The following ZFYVE16 variants were observed in gnomAD, a reference collection of about 807,000 sequenced individuals.
The protein encoded by ZFYVE16 is zinc finger FYVE-type containing 16.
In ZFYVE16, 89 loss-of-function variants were observed where a neutral mutation model predicts 138.1. The observed-to-expected ratio is 0.64, with a 90% CI of 0.54 to 0.77. The LOEUF (loss-of-function observed/expected upper bound fraction) is 0.77. Among genes scored for constraint, ZFYVE16 ranks in the 30% least tolerant of loss-of-function variants. The pLI is 0.00. For synonymous variants in ZFYVE16, 596 were observed against 618.3 expected (o/e 0.96, Z 0.53); for missense variants, 1,793 against 1,786.7 (o/e 1.00, Z -0.06).
chr5:80,434,184 G>A lies in ZFYVE16; in HGVS notation c.37G>A (p.Asp13Asn), dbSNP rs1301543001. 2 of 1,613,432 alleles carry A rather than the reference G, an allele frequency of 1.2e-6. No homozygotes were observed. Among genetic ancestry groups the A allele is most frequent in the East Asian group, 2.2e-5 (1 of 44,822 alleles). ...SYFKAAVSDL[D>N]KLLDDFEQNP... is the part of the protein sequence containing the mutation. ...TTTTAAAGCAGCTGTCAGTGACTTG[G>A]ACAAACTCCTTGATGATTTTGAACA... Residue 13 changes from aspartate to asparagine, a missense_variant, in exon 3 of 19, where the codon GAC becomes AAC. Physicochemically the swap from Asp to Asn is conservative, Grantham distance 23. Around this residue, in one of 2 missense-constraint regions of ZFYVE16, gnomAD observed 1,295 missense variants for 1,204.3 expected, o/e 1.08. Transcript: ENST00000505560.
chr5:80,422,598 G>T (rs959593096), intron 1 of ZFYVE16, among the ~76,000 whole-genome samples: 2 of 151,966 alleles, frequency 1.3e-5, no homozygotes, highest in Admixed American at 1.3e-4. Context: ...GGGATTACAG[G>T]TGCCCGCCAC....
intron 3 of ZFYVE16, chr5:80,435,779 T>G (rs113271409): frequency 1.0e-4 from 43 of 428,668 alleles, no homozygotes; most frequent in Admixed American, 6.1e-4. Context: ...CTCACTGTGT[T>G]GCTCAGGCTG....
rs930824095 is a variant in ZFYVE16 at position 80,481,684 on chromosome 5, C to A, written c.*4307C>A. 6.6e-6 allele frequency among the ~76,000 whole-genome samples: 1 copy of A among 152,122 alleles called. No individual in the cohort carries two copies. The highest frequency in any genetic ancestry group is 1.5e-5 in the Non-Finnish European group (1 of 68,022). ...GAATATCATAATATTCCAAATATATCCCAGAAACAACCCAAAATGATTGGA... is the reference window on the plus strand; with the variant it reads ...GAATATCATAATATTCCAAATATATACCAGAAACAACCCAAAATGATTGGA... On this transcript the variant is annotated 3_prime_UTR_variant, in exon 19 of 19. Transcript: ENST00000505560.
rs1236298934 is a variant in ZFYVE16 at position 80,448,153 on chromosome 5, C to A, written c.2852C>A (p.Ser951Tyr). ...ISQVPSVEKL[S>Y]MNTGNEGLPT... ...CAGGTTCCATCAGTGGAAAAATTGT[C>A]TATGAACACAGGAAATGAGGGGTTA... The change falls in exon 8 of 19, where the codon TCT (serine) becomes TAT (tyrosine). Residue 951 changes from serine (S) to tyrosine (Y), a missense_variant. Physicochemically the swap from Ser to Tyr is moderately radical, Grantham distance 144. Around this residue, in one of 2 missense-constraint regions of ZFYVE16, gnomAD observed 1,295 missense variants for 1,204.3 expected, o/e 1.08. Transcript: ENST00000505560. 6.8e-6 allele frequency: 11 copies of A among 1,613,964 alleles called. No individual in the cohort carries two copies. The highest frequency in any genetic ancestry group is 9.3e-6 in the Non-Finnish European group (11 of 1,179,930).
intron 15 of ZFYVE16, among the ~76,000 whole-genome samples, chr5:80,472,289 C>T (rs1430221524): frequency 6.6e-6 from 1 of 151,234 alleles, no homozygotes. Flanking sequence ...AGAAATTATC[C>T]CCAGGCAGAG....
intron 10 of ZFYVE16, among the ~76,000 whole-genome samples, chr5:80,450,821 T>C (rs2112453071): frequency 6.7e-6 from 1 of 148,796 alleles, no homozygotes; most frequent in East Asian, 2.0e-4. Context: ...TCCATTTTTT[T>C]TTTTTTTTTT....
At chr5:80,413,664 T>G (rs1404372259) in intron 1 of ZFYVE16, among the ~76,000 whole-genome samples, 1 of 152,138 alleles carries the variant, frequency 6.6e-6, no homozygotes, top group African/African-American at 2.4e-5. Flanking sequence ...AATAATATGA[T>G]GGATGCATAG....
At chr5:80,452,943 A>C (rs958388249) in intron 11 of ZFYVE16, among the ~76,000 whole-genome samples, 14 of 152,138 alleles carry the variant, frequency 9.2e-5, no homozygotes, top group African/African-American at 3.4e-4. Flanking sequence ...ACTTTTTTGA[A>C]TTCCCACTGT....
intron 5 of ZFYVE16, 103 bp downstream of exon 5, chr5:80,440,135 C>G: frequency 7.2e-7 from 1 of 1,396,148 alleles, no homozygotes; most frequent in Non-Finnish European, 9.3e-7. Context: ...AGGCAAGGAC[C>G]TAGTGTTGAA....
At chr5:80,429,954 C>T (rs1358079714) in intron 2 of ZFYVE16, among the ~76,000 whole-genome samples, 1 of 152,058 alleles carries the variant, frequency 6.6e-6, no homozygotes, top group Non-Finnish European at 1.5e-5. Context: ...TCTTAGAGAC[C>T]TACAAAGAGA....
At chr5:80,434,569 G>A (rs925535214) in intron 3 of ZFYVE16, among the ~76,000 whole-genome samples, 2 of 151,606 alleles carry the variant, frequency 1.3e-5, no homozygotes, top group African/African-American at 2.4e-5. Flanking sequence ...CTCAACCCCC[G>A]AGGCTCAAGC....
At chr5:80,419,890 C>T (rs1446760896) in intron 1 of ZFYVE16, among the ~76,000 whole-genome samples, 1 of 149,306 alleles carries the variant, frequency 6.7e-6, no homozygotes, top group African/African-American at 2.5e-5. Flanking sequence ...TGGCTTACTG[C>T]AACATCCGCC....
chr5:80,450,915 G>A (rs576809556), intron 10 of ZFYVE16, among the ~76,000 whole-genome samples: 6 of 148,294 alleles, frequency 4.0e-5, no homozygotes, highest in Admixed American at 2.1e-4. Context: ...GGGTTCAAGC[G>A]ATTCTTCTGC....
chr5:80,454,989 T>A (rs1423669191), intron 11 of ZFYVE16: 1 of 152,202 alleles, frequency 6.6e-6, no homozygotes, highest in African/African-American at 2.4e-5. Context: ...CCACCCCCTA[T>A]AATTTTGTGG....
rs1755301355 is a variant in ZFYVE16, at chr5:80,482,316, C to T, written c.*4939C>T. On this transcript the variant is annotated 3_prime_UTR_variant, in exon 19 of 19. Transcript: ENST00000505560. ...GAAGGTCTCAACACAATGAAGATGA[C>T]TGAGGGAAGAGTCAGTAAATTTGAA... 1 of 152,008 alleles carries T rather than the reference C, an allele frequency of 6.6e-6. No homozygotes were observed. Among genetic ancestry groups the T allele is most frequent in the Non-Finnish European group, 1.5e-5 (1 of 68,024 alleles). 9.4% of individuals were successfully genotyped at this position (152,008 alleles called of 1,614,324 possible). A position where few individuals can be genotyped will look rare whatever the true frequency, so the allele number is the denominator to read the frequency against.
intron 1 of ZFYVE16, among the ~76,000 whole-genome samples, chr5:80,413,714 G>A (rs960732639): frequency 5.3e-5 from 8 of 152,114 alleles, no homozygotes; most frequent in Non-Finnish European, 1.0e-4. Context: ...AAGCCTTAGG[G>A]CATTAAAGAT....
chr5:80,434,464 A>ATTTCT (rs1032026924), intron 3 of ZFYVE16, among the ~76,000 whole-genome samples: 10 of 152,062 alleles, frequency 6.6e-5, no homozygotes, highest in South Asian at 2.1e-4. Flanking sequence ...TAAGACAGAC[A>ATTTCT]TTTCTTTTCT....
At position 80,445,348 on chromosome 5, in the gene ZFYVE16, A is replaced by T. The variant is rs1321315652; in HGVS notation, c.2667A>T (p.Ser889=). Residue 889 remains serine, a synonymous_variant, in exon 7 of 19, where the codon TCA becomes TCT. Coordinates refer to ENST00000505560, the MANE Select transcript of ZFYVE16 (RefSeq NM_001284236.3). ...NGEVADTTKL[S]SGSKRCSEDF... is the part of the protein sequence containing the mutation. ...AAGTTGCAGATACAACAAAATTATC[A>T]TCTGGAAGTAAAAGATGTTCTGAAG... The T allele has an allele frequency of 1.9e-6, 3 of 1,614,006 alleles. No individual in the cohort carries two copies. The highest frequency in any genetic ancestry group is 3.3e-5 in the Admixed American group (2 of 60,010).
chr5:80,467,727 A>T (rs1753886460), intron 15 of ZFYVE16, among the ~76,000 whole-genome samples: 1 of 152,240 alleles, frequency 6.6e-6, no homozygotes, highest in Non-Finnish European at 1.5e-5. Flanking sequence ...CATGCAAAGA[A>T]ACAGGAAAAT....
Sources: gnomAD v4.1 joint callset for allele counts (sites outside exome capture counted in the v4.1 genomes callset) on GRCh38, gnomAD v4.1.1 for gene constraint, gnomAD v4.1.1 regional missense constraint, MANE v1.5 for transcripts, NCBI Gene and HGNC (gene_info 2026-07-23, HGNC 2026-07-21) for gene names.